Variants in PCBP2 observed in about 807,000 individuals in gnomAD.
PCBP2 encodes poly(rC)-binding protein 2.
Under a neutral mutation model 50.1 loss-of-function variants are expected in PCBP2, and 4 were observed. The ratio of observed to expected loss-of-function variants is 0.08; its 90% CI spans 0.04 to 0.18. The LOEUF is 0.18. PCBP2 is among the 10% of genes least tolerant of loss of function. PCBP2 has a pLI of 1.00. For missense variants in PCBP2, 161 were observed against 474.3 expected, an observed-to-expected ratio of 0.34 and a Z score of 6.14; for synonymous variants, 179 against 168.0, an observed-to-expected ratio of 1.07 and a Z score of -0.51.
intron 5 of PCBP2, among the ~76,000 whole-genome samples, chr12:53,456,356 G>A (rs1295205772): frequency 6.6e-6 from 1 of 151,932 alleles, no homozygotes; most frequent in Non-Finnish European, 1.5e-5. Context: ...TACTCAGGAG[G>A]CTGAGATAGG....
intron 1 of PCBP2, among the ~76,000 whole-genome samples, chr12:53,453,737 G>C (rs144923289): frequency 6.6e-6 from 1 of 152,276 alleles, no homozygotes; most frequent in East Asian, 1.9e-4. Flanking sequence ...TTACGATTAG[G>C]TGCTAAAGGA....
At chr12:53,460,907 G>T in intron 6 of PCBP2, 108 bp from the exon 7 acceptor site, 2 of 1,221,340 alleles carry the variant, frequency 1.6e-6, no homozygotes, top group Admixed American at 4.0e-5. Context: ...GGGAAGATTG[G>T]AAATGGATAA....
At chr12:53,467,700 T>C (rs1389048410) in intron 11 of PCBP2, 105 bp from the exon 12 acceptor site, 2 of 926,816 alleles carry the variant, frequency 2.2e-6, no homozygotes, top group Non-Finnish European at 3.5e-6. Context: ...TTTTTGTTTT[T>C]GTTTTTATTT....
chr12:53,461,007 C>A lies in PCBP2; in HGVS notation c.376-8C>A. Reference sequence around the variant, plus strand: ...TTCTCTGATTTTGAATTTCTTTTTACTCCAAAGAGTACAGGGGCTCAGGTC... The same window carrying A: ...TTCTCTGATTTTGAATTTCTTTTTAATCCAAAGAGTACAGGGGCTCAGGTC... On this transcript the variant is annotated splice_region_variant and splice_polypyrimidine_tract_variant and intron_variant, in intron 6 of 14. Transcript: ENST00000546463. 1.2e-6 allele frequency: 2 copies of A among 1,612,420 alleles called. No individual in the cohort carries two copies. The highest frequency in any genetic ancestry group is 1.7e-6 in the Non-Finnish European group (2 of 1,179,594).
At chr12:53,458,713 C>T (rs1055661620) in intron 5 of PCBP2, among the ~76,000 whole-genome samples, 42 of 151,206 alleles carry the variant, frequency 2.8e-4, no homozygotes, top group Admixed American at 6.6e-5. Flanking sequence ...GATCTTGGCT[C>T]ACTGCAACTT....
chr12:53,464,065 G>C (rs532463115), intron 8 of PCBP2, among the ~76,000 whole-genome samples: 25 of 152,292 alleles, frequency 1.6e-4, no homozygotes, highest in Non-Finnish European at 2.6e-4. Flanking sequence ...TCTCAGTCTA[G>C]TTAGTCAGAG....
In PCBP2 at chr12:53,469,546, C is replaced by T. The variant is rs186987514; in HGVS notation, c.882+714C>T. ...GACCAGCCTGACTACCATGGAGGAA[C>T]CCATCTCTACTAAAAATACAAAAAA... On this transcript the variant is annotated intron_variant, in intron 13 of 14. Coordinates refer to ENST00000546463, the MANE Select transcript of PCBP2 (RefSeq NM_031989.5). Among the ~76,000 whole-genome samples, 70 of 151,862 alleles carry T rather than the reference C, an allele frequency of 4.6e-4. No homozygotes were observed. In the East Asian group the frequency reaches 0.013, roughly 28 times the overall value.
rs188895380 is a variant in PCBP2, at chr12:53,474,314, G to A, written c.1052+2507G>A. Among the ~76,000 whole-genome samples, 237 of 152,300 alleles carry A rather than the reference G, an allele frequency of 1.6e-3. 1 individual carries two copies. Among genetic ancestry groups the A allele is most frequent in the African/African-American group, 5.3e-3 (220 of 41,552 alleles). On this transcript the variant is annotated intron_variant, in intron 14 of 14. Transcript: ENST00000546463. ...ATTCTTTGAAATTTGAAATTAGTCA[G>A]TGACCTACTTTGGACTCTTGTCTCT...
At chr12:53,475,737 T>G (rs954086720) in intron 14 of PCBP2, 1 of 152,302 alleles carries the variant, frequency 6.6e-6, no homozygotes, top group Non-Finnish European at 1.5e-5. Context: ...ATAACTGACA[T>G]GGGCTTTTTG....
At chr12:53,470,868 T>C (rs1319915858) in intron 13 of PCBP2, among the ~76,000 whole-genome samples, 1 of 151,840 alleles carries the variant, frequency 6.6e-6, no homozygotes, top group Non-Finnish European at 1.5e-5. Flanking sequence ...TTTAAGCATA[T>C]TTGCTGCCAG....
At chr12:53,460,962 T>C in intron 6 of PCBP2, 53 bp from the exon 7 acceptor site, 1 of 1,597,138 alleles carries the variant, frequency 6.3e-7, no homozygotes, top group South Asian at 1.1e-5. Flanking sequence ...CTGGAGGAAT[T>C]GGAAGAGCAT....
rs940993727 is a variant in PCBP2, at chr12:53,461,020, A to C, written c.381A>C (p.Thr127=). ...AATTTCTTTTTACTCCAAAGAGTAC[A>C]GGGGCTCAGGTCCAGGTGGCAGGGG... ...GCKIKEIRES[T]GAQVQVAGDM... The change falls in exon 7 of 15, where the codon ACA becomes ACC. Residue 127 remains threonine, a synonymous_variant. Transcript: ENST00000546463. 13 of 1,613,318 alleles carry C rather than the reference A, an allele frequency of 8.1e-6. No individual in the cohort carries two copies. Among genetic ancestry groups the C allele is most frequent in the Non-Finnish European group, 1.1e-5 (13 of 1,179,954 alleles).
In PCBP2 at chr12:53,455,810, A is replaced by G. The variant is rs1940966728; in HGVS notation, c.127-75A>G. The G allele has an allele frequency of 3.0e-6, 3 of 988,796 alleles. No individual in the cohort carries two copies. In the South Asian group the frequency reaches 4.0e-5, roughly 13 times the overall value. 61.3% of individuals were successfully genotyped at this position (988,796 alleles called of 1,614,324 possible). On this transcript the variant is annotated intron_variant, in intron 4 of 14. Transcript: ENST00000546463. ...CAGGATCATGTACATTGGCAGTCTT[A>G]TAAGGGACTGTAGATCCTGTACATA...
intron 13 of PCBP2, among the ~76,000 whole-genome samples, chr12:53,469,519 G>A (rs1485714757): frequency 6.6e-6 from 1 of 151,688 alleles, no homozygotes; most frequent in Non-Finnish European, 1.5e-5. Context: ...TTGGAAGTTC[G>A]AGACCAGCCT....
At chr12:53,462,715 CT>C (rs1941533222) in intron 8 of PCBP2, 148 bp downstream of exon 8, 2 of 585,040 alleles carry the variant, frequency 3.4e-6, no homozygotes, top group Non-Finnish European at 5.9e-6. Context: ...TATTTTTGTA[CT>C]GGAGAAAGCT....
chr12:53,460,496 A>G, intron 6 of PCBP2: 1 of 240,908 alleles, frequency 4.2e-6, no homozygotes, highest in Non-Finnish European at 8.7e-6. Context: ...GAAGATTTTA[A>G]TTGTATCTAG....
intron 5 of PCBP2, among the ~76,000 whole-genome samples, chr12:53,458,038 C>T (rs775190020): frequency 1.3e-4 from 20 of 152,058 alleles, no homozygotes; most frequent in Non-Finnish European, 2.9e-5. Flanking sequence ...AAGCGATTCT[C>T]CTGCCTCGGC....
At chr12:53,479,286 A>C in intron 14 of PCBP2, 120 bp from the exon 15 acceptor site, 1 of 851,234 alleles carries the variant, frequency 1.2e-6, no homozygotes, top group East Asian at 2.5e-5. Flanking sequence ...AGAAACCTTA[A>C]AATGTCTCCC....
At chr12:53,459,216 A>T in intron 5 of PCBP2, 56 bp from the exon 6 acceptor site, 1 of 1,502,682 alleles carries the variant, frequency 6.7e-7, no homozygotes, top group Non-Finnish European at 9.0e-7. Flanking sequence ...TGGTTCTTTA[A>T]TGGCAGTTAC....
Sources: gnomAD v4.1 joint callset for allele counts (sites outside exome capture counted in the v4.1 genomes callset) on GRCh38, gnomAD v4.1.1 for gene constraint, MANE v1.5 for transcripts, NCBI Gene and HGNC (gene_info 2026-07-23, HGNC 2026-07-21) for gene names.